The following GCNT4 variants were observed in gnomAD, a reference collection of about 807,000 sequenced individuals.
GCNT4 encodes the protein beta-1,3-galactosyl-O-glycosyl-glycoprotein beta-1,6-N-acetylglucosaminyltransferase 4.
In GCNT4, 17 loss-of-function variants were observed where a neutral mutation model predicts 31.3. The observed-to-expected ratio is 0.54, with a 90% CI of 0.37 to 0.81. The LOEUF (loss-of-function observed/expected upper bound fraction) is 0.81, where lower values mean the gene tolerates loss of function less well. GCNT4 is among the 40% of genes least tolerant of loss of function. The probability of loss-of-function intolerance (pLI) is 0.00; values close to 1 mark genes in which losing one functional copy is unlikely to be tolerated. For synonymous variants in GCNT4, 158 were observed against 190.6 expected (o/e 0.83, Z 1.41); for missense variants, 503 against 525.5 (o/e 0.96, Z 0.42).
intron 2 of GCNT4, among the ~76,000 whole-genome samples, chr5:75,050,304 G>C (rs1222705969): frequency 1.3e-5 from 2 of 152,192 alleles, no homozygotes; most frequent in South Asian, 4.1e-4. Context: ...ACATGAGCTT[G>C]ATATCAAAAT....
intron 3 of GCNT4, among the ~76,000 whole-genome samples, chr5:75,047,059 T>A (rs1172168681): frequency 6.6e-6 from 1 of 152,242 alleles, no homozygotes; most frequent in Non-Finnish European, 1.5e-5. Flanking sequence ...GGCCTCTTTT[T>A]GCCTTGCTAC....
At chr5:75,050,803 A>G (rs1291918802) in intron 2 of GCNT4, among the ~76,000 whole-genome samples, 3 of 151,934 alleles carry the variant, frequency 2.0e-5, no homozygotes, top group African/African-American at 7.3e-5. Flanking sequence ...AATCCGCCCA[A>G]CGTGTCATCC....
chr5:75,017,019 C>T, the GCNT4 span, among the ~76,000 whole-genome samples: 46 of 152,084 alleles, frequency 3.0e-4, no homozygotes, highest in Non-Finnish European at 6.5e-4. Flanking sequence ...AACAATTAAT[C>T]TCTGACATAG....
upstream of GCNT4, among the ~76,000 whole-genome samples, chr5:75,053,534 C>T (rs1326716068): frequency 6.6e-6 from 1 of 152,144 alleles, no homozygotes; most frequent in Non-Finnish European, 1.5e-5. Flanking sequence ...CGGGCCAGCC[C>T]CGAACGCGGG....
intron 3 of GCNT4, among the ~76,000 whole-genome samples, chr5:75,041,639 C>T (rs761835987): frequency 5.9e-5 from 9 of 152,152 alleles, no homozygotes; most frequent in African/African-American, 1.4e-4. Flanking sequence ...TACATACCCA[C>T]GCATAGACCT....
intron 3 of GCNT4, 162 bp from the exon 4 acceptor site, chr5:75,030,200 G>A (rs1259561476): frequency 1.6e-6 from 1 of 640,180 alleles, no homozygotes; most frequent in African/African-American, 1.8e-5. Context: ...TAAGGAAATG[G>A]AATTATGAAG....
Position 75,029,487 on chromosome 5 carries a change from G to A in GCNT4, c.551C>T (p.Ser184Phe). The A allele has an allele frequency of 6.2e-7, 1 of 1,614,076 alleles. No individual in the cohort carries two copies. Among genetic ancestry groups the A allele is most frequent in the Non-Finnish European group, 8.5e-7 (1 of 1,180,010 alleles). Reference sequence around the variant, plus strand: ...TAATTTGGAAGCAATGAAAATATTGGAGAAGCACTTAGCTAAATTGTTCAT... The same window carrying A: ...TAATTTGGAAGCAATGAAAATATTGAAGAAGCACTTAGCTAAATTGTTCAT... Reference protein sequence around the residue: ...VAMNNLAKCFSNIFIASKLEA... With the variant: ...VAMNNLAKCFFNIFIASKLEA... The change falls in exon 4 of 4, where the codon TCC becomes TTC. Residue 184 changes from serine (S) to phenylalanine (F), a missense_variant. Coordinates refer to ENST00000652361, the MANE Select transcript of GCNT4 (RefSeq NM_001366737.1).
intron 3 of GCNT4, among the ~76,000 whole-genome samples, chr5:75,043,980 C>T (rs775211385): frequency 2.0e-5 from 3 of 152,188 alleles, no homozygotes; most frequent in Non-Finnish European, 4.4e-5. Flanking sequence ...AAAGCAGATG[C>T]CAAGATTTAC....
upstream of GCNT4, among the ~76,000 whole-genome samples, chr5:75,053,349 G>C (rs538452902): frequency 6.6e-6 from 1 of 152,202 alleles, no homozygotes; most frequent in African/African-American, 2.4e-5. Context: ...GGGCGCCCCC[G>C]CCTGCCGCCT....
upstream of GCNT4, among the ~76,000 whole-genome samples, chr5:75,053,600 C>T (rs1462971060): frequency 6.6e-6 from 1 of 152,058 alleles, no homozygotes; most frequent in African/African-American, 2.4e-5. Flanking sequence ...GCTCTGGGTT[C>T]CCAGGCTCTC....
chr5:75,026,429 G>A lies in GCNT4; in HGVS notation c.*2247C>T, dbSNP rs1742944961. The A allele has an allele frequency of 6.6e-6, 1 of 152,100 alleles. No homozygotes were observed. Among genetic ancestry groups the A allele is most frequent in the Non-Finnish European group, 1.5e-5 (1 of 68,018 alleles). The allele number at this position is 152,100 out of a possible 1,614,324, so 9.4% of individuals were successfully genotyped here. On this transcript the variant is annotated 3_prime_UTR_variant, in exon 4 of 4. Coordinates refer to ENST00000652361, the MANE Select transcript of GCNT4 (RefSeq NM_001366737.1). Reference sequence around the variant, plus strand: ...GAAAGAAACCCCAAATGGGGTTACAGGAGTTTCCTCAGATCTGGATTTGGT... The same window carrying A: ...GAAAGAAACCCCAAATGGGGTTACAAGAGTTTCCTCAGATCTGGATTTGGT...
rs1298256181 is a variant in GCNT4, at chr5:75,029,248, T to C, written c.790A>G (p.Arg264Gly). 23 of 1,614,048 alleles carry C rather than the reference T, an allele frequency of 1.4e-5. No homozygotes were observed. Among genetic ancestry groups the C allele is most frequent in the Non-Finnish European group, 1.9e-5 (23 of 1,180,022 alleles). The change falls in exon 4 of 4, where the codon AGA becomes GGA. Residue 264 changes from arginine (R) to glycine (G), a missense_variant. By Grantham distance (125) the Arg-to-Gly change is moderately radical (BLOSUM62 -2). Coordinates refer to ENST00000652361, the MANE Select transcript of GCNT4 (RefSeq NM_001366737.1). ...CTAAGTTCATGATGGTAAGTGAATC[T>C]TTCCAATTTACTGTTTGGGGGTTTC... ...TVKPPNSKLERFTYHHELRRV... is the reference protein window; with the variant it reads ...TVKPPNSKLEGFTYHHELRRV...
At chr5:75,017,855 C>T in the GCNT4 span, among the ~76,000 whole-genome samples, 1 of 152,144 alleles carries the variant, frequency 6.6e-6, no homozygotes, top group Non-Finnish European at 1.5e-5. Flanking sequence ...CTATGAATCC[C>T]TGCACCTAAG....
chr5:75,033,673 AT>A (rs772607869), intron 3 of GCNT4, among the ~76,000 whole-genome samples: 298 of 145,330 alleles, frequency 2.1e-3, no homozygotes, highest in Admixed American at 2.1e-3. Context: ...TTATTTATTT[AT>A]TTTTTTTTTT....
chr5:75,022,939 T>C (rs1446947983), downstream of GCNT4, among the ~76,000 whole-genome samples: 1 of 152,114 alleles, frequency 6.6e-6, no homozygotes, highest in Non-Finnish European at 1.5e-5. Context: ...CTAGGTAAAT[T>C]ACCTTCCAAG....
chr5:75,031,509 A>G (rs760732046), intron 3 of GCNT4, among the ~76,000 whole-genome samples: 5 of 152,206 alleles, frequency 3.3e-5, no homozygotes, highest in Non-Finnish European at 5.9e-5. Context: ...GGTGTGGCTG[A>G]GTTCCAATAA....
chr5:75,022,233 G>A (rs996132722), downstream of GCNT4, among the ~76,000 whole-genome samples: 7 of 152,178 alleles, frequency 4.6e-5, no homozygotes, highest in African/African-American at 7.2e-5. Flanking sequence ...GCAGCCATGC[G>A]GTTGAAAACA....
chr5:75,054,029 G>A (rs1439796272), upstream of GCNT4, among the ~76,000 whole-genome samples: 44 of 151,420 alleles, frequency 2.9e-4, no homozygotes, highest in East Asian at 2.0e-4. Context: ...CCAGACAGAA[G>A]GCAGCTCGCT....
chr5:75,039,844 A>T (rs1743280648), intron 3 of GCNT4, among the ~76,000 whole-genome samples: 1 of 152,254 alleles, frequency 6.6e-6, no homozygotes, highest in South Asian at 2.1e-4. Flanking sequence ...CATACAAATC[A>T]GATCACTTCC....
Sources: gnomAD v4.1 joint callset for allele counts (sites outside exome capture counted in the v4.1 genomes callset) on GRCh38, gnomAD v4.1.1 for gene constraint, MANE v1.5 for transcripts, NCBI Gene and HGNC (gene_info 2026-07-23, HGNC 2026-07-21) for gene names.